Variants in NRG1 observed in about 807,000 individuals in gnomAD.
NRG1 encodes pro-neuregulin-1, membrane-bound isoform.
In NRG1, 18 loss-of-function variants were observed where a neutral mutation model predicts 63.8. The observed-to-expected ratio is 0.28, with a 90% confidence interval of 0.19 to 0.42. The LOEUF is 0.42. NRG1 is among the 10% of genes least tolerant of loss of function. The pLI is 1.00. For synonymous variants in NRG1, 302 were observed against 301.3 expected (o/e 1.00, Z -0.02); for missense variants, 762 against 814.7 (o/e 0.94, Z 0.79).
chr8:32,116,304 C>T (rs1385446208), intron 1 of NRG1, among the ~76,000 whole-genome samples: 1 of 152,130 alleles, frequency 6.6e-6, no homozygotes, highest in East Asian at 1.9e-4. Context: ...AAATTTGTCA[C>T]ACCCATCCTT....
At chr8:32,752,892 C>T (rs1829005765) in intron 7 of NRG1, among the ~76,000 whole-genome samples, 1 of 152,140 alleles carries the variant, frequency 6.6e-6, no homozygotes, top group Middle Eastern at 3.2e-3. Context: ...GACCTGTTTA[C>T]TGGAATTTGA....
intron 1 of NRG1, among the ~76,000 whole-genome samples, chr8:32,178,888 TA>T (rs879424769): frequency 4.1e-4 from 59 of 145,636 alleles, no homozygotes; most frequent in South Asian, 8.7e-4. Context: ...CTTTCTGTCC[TA>T]AAAAAAAAAA....
intron 1 of NRG1, among the ~76,000 whole-genome samples, chr8:31,823,773 A>G (rs747510080): frequency 1.3e-5 from 2 of 152,214 alleles, no homozygotes; most frequent in Non-Finnish European, 2.9e-5. Flanking sequence ...AATCTGGGCA[A>G]TTCACTTATG....
intron 1 of NRG1, among the ~76,000 whole-genome samples, chr8:32,022,913 C>A (rs1323984479): frequency 1.3e-5 from 2 of 152,172 alleles, no homozygotes; most frequent in Non-Finnish European, 2.9e-5. Flanking sequence ...AACAGACTCA[C>A]CATTTAATGT....
At chr8:31,845,945 C>T (rs1203669774) in intron 1 of NRG1, among the ~76,000 whole-genome samples, 2 of 152,138 alleles carry the variant, frequency 1.3e-5, no homozygotes, top group Non-Finnish European at 2.9e-5. Context: ...TCTTGGTTCT[C>T]ATTCCAAAGA....
At chr8:31,994,048 G>T (rs1021414300) in intron 1 of NRG1, among the ~76,000 whole-genome samples, 2 of 151,992 alleles carry the variant, frequency 1.3e-5, no homozygotes, top group Non-Finnish European at 2.9e-5. Flanking sequence ...GCAGGGTCTA[G>T]TTGCCATCTT....
intron 1 of NRG1, among the ~76,000 whole-genome samples, chr8:31,834,966 A>G (rs543933712): frequency 6.6e-6 from 1 of 152,340 alleles, no homozygotes. Flanking sequence ...CAAGAATTTG[A>G]AGGCAACACA....
chr8:32,219,342 A>C (rs1586169069), intron 1 of NRG1, among the ~76,000 whole-genome samples: 1 of 152,208 alleles, frequency 6.6e-6, no homozygotes, highest in East Asian at 1.9e-4. Context: ...AGGAAAGAAA[A>C]GAAAGAAATC....
At chr8:32,324,180 G>T (rs1047668767) in intron 1 of NRG1, among the ~76,000 whole-genome samples, 1 of 152,102 alleles carries the variant, frequency 6.6e-6, no homozygotes, top group Non-Finnish European at 1.5e-5. Context: ...CAAAGGCCAG[G>T]CATCTCTTAT....
chr8:31,734,092 G>A (rs1015167369), intron 1 of NRG1, among the ~76,000 whole-genome samples: 1 of 152,066 alleles, frequency 6.6e-6, no homozygotes, highest in African/African-American at 2.4e-5. Flanking sequence ...TGTAATCCCA[G>A]GCTTTGAGAG....
chr8:32,135,522 A>G (rs28411153), intron 1 of NRG1, among the ~76,000 whole-genome samples: 43,747 of 151,908 alleles, frequency 0.29, 7,402 homozygotes, highest in African/African-American at 0.46. Context: ...GGAAATACAG[A>G]ATTAAAGGAT....
At chr8:32,434,256 A>G (rs192704717) in intron 1 of NRG1, among the ~76,000 whole-genome samples, 18 of 152,274 alleles carry the variant, frequency 1.2e-4, no homozygotes, top group African/African-American at 4.3e-4. Flanking sequence ...AAAAACTTCC[A>G]TGAATTGGGT....
At chr8:31,759,085 T>C (rs1266672176) in intron 1 of NRG1, among the ~76,000 whole-genome samples, 2 of 152,166 alleles carry the variant, frequency 1.3e-5, no homozygotes, top group African/African-American at 4.8e-5. Flanking sequence ...TTTCACTCAT[T>C]TTAAAAGTGA....
intron 1 of NRG1, among the ~76,000 whole-genome samples, chr8:31,928,202 T>C (rs1834551614): frequency 6.6e-6 from 1 of 151,846 alleles, no homozygotes; most frequent in South Asian, 2.1e-4. Flanking sequence ...TCTTTCTTGG[T>C]ATTTTTGAAG....
At chr8:31,964,458 T>C (rs1417557060) in intron 1 of NRG1, among the ~76,000 whole-genome samples, 1 of 152,140 alleles carries the variant, frequency 6.6e-6, no homozygotes, top group Non-Finnish European at 1.5e-5. Context: ...TTACTTGAGC[T>C]CAGGAGTTCT....
At chr8:32,660,945 C>A (rs746622707) in intron 5 of NRG1, among the ~76,000 whole-genome samples, 1 of 152,162 alleles carries the variant, frequency 6.6e-6, no homozygotes, top group Admixed American at 6.6e-5. Context: ...TTCCAAGGGA[C>A]CTATTGACAC....
intron 6 of NRG1, among the ~76,000 whole-genome samples, chr8:32,738,601 T>C (rs1354912910): frequency 6.6e-6 from 1 of 152,164 alleles, no homozygotes; most frequent in African/African-American, 2.4e-5. Context: ...TCCAGGAAAG[T>C]GATGGATTGA....
intron 5 of NRG1, among the ~76,000 whole-genome samples, chr8:32,675,824 A>G (rs1806941795): frequency 6.6e-6 from 1 of 152,204 alleles, no homozygotes; most frequent in South Asian, 2.1e-4. Context: ...ATGTTAGTTT[A>G]TTAATTATTT....
intron 1 of NRG1, among the ~76,000 whole-genome samples, chr8:31,993,037 G>A (rs1055441351): frequency 6.6e-6 from 1 of 152,000 alleles, no homozygotes; most frequent in Non-Finnish European, 1.5e-5. Flanking sequence ...CAGAAGGATT[G>A]TAAGAATTAG....
Sources: allele counts gnomAD v4.1 joint callset (sites outside exome capture counted in the v4.1 genomes callset), GRCh38; gene constraint gnomAD v4.1.1; transcripts MANE v1.5; gene names NCBI Gene and HGNC (gene_info 2026-07-23, HGNC 2026-07-21).